NTNG1: variants seen among roughly 807,000 people sequenced by gnomAD.
NTNG1 encodes netrin G1.
A neutral mutation model predicts 54.0 loss-of-function variants in NTNG1; 16 were observed. The observed-to-expected ratio is 0.30, with a 90% CI of 0.20 to 0.45. NTNG1 has a LOEUF of 0.45. Among genes scored for constraint, NTNG1 ranks in the 20% least tolerant of loss-of-function variants. NTNG1 has a pLI of 1.00. For synonymous variants in NTNG1, 255 were observed against 263.1 expected (o/e 0.97, Z 0.30); for missense variants, 530 against 678.7 (o/e 0.78, Z 2.43).
intron 2 of NTNG1, among the ~76,000 whole-genome samples, chr1:107,167,065 A>G (rs1421427252): frequency 1.3e-5 from 2 of 152,130 alleles, no homozygotes; most frequent in Non-Finnish European, 2.9e-5. Flanking sequence ...TTTTCCCTCC[A>G]ATTCTCAAAT....
chr1:107,316,871 G>A (rs766456027), intron 2 of NTNG1, among the ~76,000 whole-genome samples: 1 of 152,116 alleles, frequency 6.6e-6, no homozygotes, highest in Admixed American at 6.6e-5. Context: ...AATAGCTAAC[G>A]AATTTGGAAC....
intron 2 of NTNG1, among the ~76,000 whole-genome samples, chr1:107,240,925 C>CT (rs1478684728): frequency 1.3e-5 from 2 of 151,998 alleles, no homozygotes; most frequent in African/African-American, 4.8e-5. Flanking sequence ...TTCTTAGTTT[C>CT]TTTTTTTGGG....
In NTNG1 at chr1:107,480,855, C is replaced by A; in HGVS notation, c.*15C>A. 1 of 1,542,090 alleles carries A rather than the reference C, an allele frequency of 6.5e-7. No individual in the cohort carries two copies. Among genetic ancestry groups the A allele is most frequent in the Non-Finnish European group, 8.8e-7 (1 of 1,139,244 alleles). On this transcript the variant is annotated 3_prime_UTR_variant, in exon 8 of 8. Transcript: ENST00000370068. Reference sequence around the variant, plus strand: ...TGGTGTTCTAGGTGTCACCTCCAGCCACACCGGACGGGCCTGTGCCGTGGG... The same window carrying A: ...TGGTGTTCTAGGTGTCACCTCCAGCAACACCGGACGGGCCTGTGCCGTGGG...
chr1:107,200,947 T>G (rs1658709888), intron 2 of NTNG1, among the ~76,000 whole-genome samples: 1 of 151,902 alleles, frequency 6.6e-6, no homozygotes, highest in African/African-American at 2.4e-5. Context: ...GAATTGTGTT[T>G]GCTTCTTATA....
intron 2 of NTNG1, among the ~76,000 whole-genome samples, chr1:107,300,203 G>C (rs1666237916): frequency 6.6e-6 from 1 of 152,168 alleles, no homozygotes; most frequent in African/African-American, 2.4e-5. Context: ...TTGCTAAGCA[G>C]AGGTTGCACA....
chr1:107,430,156 T>TA (rs1675167907), intron 5 of NTNG1, among the ~76,000 whole-genome samples: 1 of 152,172 alleles, frequency 6.6e-6, no homozygotes, highest in East Asian at 1.9e-4. Context: ...AAGAAAGGCT[T>TA]AAGAAAGCCA....
At chr1:107,433,574 A>G (rs1258969466) in intron 6 of NTNG1, among the ~76,000 whole-genome samples, 4 of 152,156 alleles carry the variant, frequency 2.6e-5, no homozygotes, top group African/African-American at 9.7e-5. Context: ...ATAAAAAGTA[A>G]TATTAGCTAG....
At chr1:107,270,736 A>G (rs1007008393) in intron 2 of NTNG1, among the ~76,000 whole-genome samples, 10 of 8,548 alleles carry the variant, frequency 1.2e-3, no homozygotes, top group African/African-American at 5.1e-3. Context: ...CCAACCCGCC[A>G]AAGTGCAGTG....
At chr1:107,421,095 T>G in intron 5 of NTNG1, 1 of 1,609,374 alleles carries the variant, frequency 6.2e-7, no homozygotes, top group Non-Finnish European at 8.5e-7. Flanking sequence ...TGCTCCCAAA[T>G]TAGCTTTGTC....
chr1:107,342,091 T>G (rs1033989299), intron 3 of NTNG1, among the ~76,000 whole-genome samples: 16 of 152,144 alleles, frequency 1.1e-4, no homozygotes, highest in Admixed American at 2.0e-4. Flanking sequence ...ACTTTTTGTT[T>G]AGTAGTCGTA....
chr1:107,468,243 T>A (rs745631785), intron 7 of NTNG1, among the ~76,000 whole-genome samples: 14 of 152,094 alleles, frequency 9.2e-5, no homozygotes, highest in Non-Finnish European at 7.3e-5. Flanking sequence ...ACCAAGTATG[T>A]ATAGGAAAAA....
chr1:107,477,216 G>T (rs1485017055), intron 7 of NTNG1, among the ~76,000 whole-genome samples: 1 of 152,212 alleles, frequency 6.6e-6, no homozygotes, highest in African/African-American at 2.4e-5. Context: ...CCTCCTTGGA[G>T]CTGAGGCTTA....
intron 2 of NTNG1, among the ~76,000 whole-genome samples, chr1:107,315,416 C>G (rs1391460195): frequency 6.6e-6 from 1 of 152,062 alleles, no homozygotes; most frequent in Non-Finnish European, 1.5e-5. Flanking sequence ...GGCAGGCCTC[C>G]CCTTACAACA....
chr1:107,437,913 T>C (rs1675707203), intron 7 of NTNG1, among the ~76,000 whole-genome samples: 1 of 152,084 alleles, frequency 6.6e-6, no homozygotes, highest in Admixed American at 6.6e-5. Context: ...AGCCCTAGAG[T>C]TATTTTTGCT....
chr1:107,438,346 A>G (rs1258475340), intron 7 of NTNG1, among the ~76,000 whole-genome samples: 1 of 152,174 alleles, frequency 6.6e-6, no homozygotes, highest in Non-Finnish European at 1.5e-5. Flanking sequence ...ACACCTGTAT[A>G]TAAGGTCTAG....
intron 2 of NTNG1, among the ~76,000 whole-genome samples, chr1:107,296,692 T>A (rs116392093): frequency 0.17 from 25,026 of 147,678 alleles, 2,363 homozygotes; most frequent in Admixed American, 0.25. Flanking sequence ...TTATATATAC[T>A]AATATACTAT....
intron 3 of NTNG1, among the ~76,000 whole-genome samples, chr1:107,370,087 T>C (rs1670824994): frequency 6.6e-6 from 1 of 152,076 alleles, no homozygotes; most frequent in South Asian, 2.1e-4. Flanking sequence ...TCTATCTTTA[T>C]ACCAGTATCA....
intron 3 of NTNG1, among the ~76,000 whole-genome samples, chr1:107,392,643 A>G (rs1672435155): frequency 6.6e-6 from 1 of 152,088 alleles, no homozygotes; most frequent in African/African-American, 2.4e-5. Context: ...GGCTGTGGAC[A>G]TTTGGAAGGA....
intron 2 of NTNG1, among the ~76,000 whole-genome samples, chr1:107,281,811 A>G (rs1012070698): frequency 6.6e-6 from 1 of 152,184 alleles, no homozygotes; most frequent in Non-Finnish European, 1.5e-5. Context: ...TAAGTTACTA[A>G]GCATACTTTG....
Sources: allele counts gnomAD v4.1 joint callset (sites outside exome capture counted in the v4.1 genomes callset), GRCh38; gene constraint gnomAD v4.1.1; transcripts MANE v1.5; gene names NCBI Gene and HGNC (gene_info 2026-07-23, HGNC 2026-07-21).